The following GRM8 variants were observed in gnomAD, a reference collection of about 807,000 sequenced individuals.
GRM8 encodes the protein glutamate metabotropic receptor 8.
In GRM8, 47 loss-of-function variants were observed where a neutral mutation model predicts 87.2. The observed-to-expected ratio is 0.54, with a 90% confidence interval of 0.43 to 0.69. The LOEUF (loss-of-function observed/expected upper bound fraction) is 0.69. Among genes scored for constraint, GRM8 ranks in the 30% least tolerant of loss-of-function variants. GRM8 has a pLI of 0.00. For missense variants in GRM8, 1,019 were observed against 1,139.2 expected, an observed-to-expected ratio of 0.89 and a Z score of 1.52; for synonymous variants, 396 against 404.5, an observed-to-expected ratio of 0.98 and a Z score of 0.25.
At chr7:126,682,484 G>T (rs1376093194) in intron 7 of GRM8, among the ~76,000 whole-genome samples, 3 of 152,230 alleles carry the variant, frequency 2.0e-5, no homozygotes, top group Admixed American at 2.0e-4. Context: ...AAAGGTTACA[G>T]ATCTTGTAGA....
At chr7:127,037,956 T>C (rs979943124) in intron 3 of GRM8, among the ~76,000 whole-genome samples, 2 of 152,082 alleles carry the variant, frequency 1.3e-5, no homozygotes, top group Non-Finnish European at 2.9e-5. Context: ...AGTGAAAACA[T>C]GGTTTGACTA....
intron 3 of GRM8, among the ~76,000 whole-genome samples, chr7:127,017,839 A>C (rs922407360): frequency 2.0e-5 from 3 of 152,132 alleles, no homozygotes; most frequent in African/African-American, 7.2e-5. Context: ...AATATTAACG[A>C]AAATACTTAA....
intron 3 of GRM8, among the ~76,000 whole-genome samples, chr7:127,056,017 C>T (rs1819950067): frequency 6.6e-6 from 1 of 152,110 alleles, no homozygotes; most frequent in Admixed American, 6.5e-5. Context: ...TGCTAGCAGT[C>T]CTTACTGAAT....
rs1267266776 is a variant in GRM8, at chr7:126,542,337, A to G, written c.1495-8450T>C. On this transcript the variant is annotated intron_variant, in intron 8 of 10. Coordinates refer to ENST00000339582, the MANE Select transcript of GRM8 (RefSeq NM_000845.3). Reference sequence around the variant, plus strand: ...AGGGACTGTACATACAGAAAGGAATAAAACAGTTTCTTCTTTCATAGAATC... The same window carrying G: ...AGGGACTGTACATACAGAAAGGAATGAAACAGTTTCTTCTTTCATAGAATC... Among the ~76,000 whole-genome samples, 4 of 152,356 alleles carry G rather than the reference A, an allele frequency of 2.6e-5. No individual in the cohort carries two copies. In the East Asian group the frequency reaches 5.8e-4, roughly 22 times the overall value.
chr7:126,722,099 A>T (rs1412081771), intron 7 of GRM8, among the ~76,000 whole-genome samples: 1 of 152,112 alleles, frequency 6.6e-6, no homozygotes, highest in Non-Finnish European at 1.5e-5. Context: ...ATCTGCACGG[A>T]CACTCTATTC....
intron 7 of GRM8, among the ~76,000 whole-genome samples, chr7:126,745,292 A>G (rs1815515521): frequency 6.6e-6 from 1 of 151,660 alleles, no homozygotes; most frequent in African/African-American, 2.4e-5. Context: ...AACATTTTTC[A>G]GTCCTTGCTA....
At chr7:126,471,071 T>C (rs1805144302) in intron 9 of GRM8, among the ~76,000 whole-genome samples, 2 of 152,170 alleles carry the variant, frequency 1.3e-5, no homozygotes, top group South Asian at 2.1e-4. Context: ...TTTGAGTTCA[T>C]TGTAGATTCT....
chr7:126,550,348 A>T (rs191258153), intron 8 of GRM8, among the ~76,000 whole-genome samples: 2 of 152,084 alleles, frequency 1.3e-5, no homozygotes, highest in East Asian at 3.9e-4. Context: ...TCTTGACCTC[A>T]TGATCCACCC....
chr7:127,098,336 G>A (rs2132991456), intron 3 of GRM8, among the ~76,000 whole-genome samples: 1 of 152,194 alleles, frequency 6.6e-6, no homozygotes, highest in African/African-American at 2.4e-5. Flanking sequence ...CCAAAGCAAT[G>A]AACATCTGAG....
At chr7:126,578,350 A>G (rs572563986) in intron 8 of GRM8, among the ~76,000 whole-genome samples, 1 of 152,292 alleles carries the variant, frequency 6.6e-6, no homozygotes, top group South Asian at 2.1e-4. Context: ...TAAAGATCGA[A>G]TGGAAATAAC....
intron 8 of GRM8, among the ~76,000 whole-genome samples, chr7:126,573,676 C>T (rs1254084325): frequency 1.3e-5 from 2 of 151,956 alleles, no homozygotes; most frequent in Non-Finnish European, 2.9e-5. Context: ...CGTCCGCCTC[C>T]CGGGTTCAAG....
intron 3 of GRM8, among the ~76,000 whole-genome samples, chr7:126,944,855 A>C (rs1038033322): frequency 1.3e-5 from 2 of 152,250 alleles, no homozygotes; most frequent in African/African-American, 4.8e-5. Flanking sequence ...AATGATTCTA[A>C]AATCTAGTAA....
chr7:126,871,764 T>G (rs1799117561), intron 6 of GRM8, among the ~76,000 whole-genome samples: 1 of 152,178 alleles, frequency 6.6e-6, no homozygotes, highest in South Asian at 2.1e-4. Flanking sequence ...CATTTTGCGT[T>G]ATATGGTAAA....
At chr7:126,964,437 T>A (rs1809635438) in intron 3 of GRM8, among the ~76,000 whole-genome samples, 1 of 152,106 alleles carries the variant, frequency 6.6e-6, no homozygotes, top group African/African-American at 2.4e-5. Flanking sequence ...ATATCCAGAA[T>A]CTACAAAGAA....
chr7:126,917,079 G>A (rs1185573624), intron 3 of GRM8, among the ~76,000 whole-genome samples: 1 of 152,198 alleles, frequency 6.6e-6, no homozygotes, highest in Non-Finnish European at 1.5e-5. Flanking sequence ...GGGCTCCAGG[G>A]ATGATCCTAT....
rs191577834 is a variant in GRM8, at chr7:126,956,899, G to A, written c.728-52216C>T. 1.6e-3 allele frequency among the ~76,000 whole-genome samples: 251 copies of A among 152,178 alleles called. 1 individual carries two copies. The highest frequency in any genetic ancestry group is 5.4e-3 in the African/African-American group (225 of 41,510). Reference sequence around the variant, plus strand: ...GGAACATTTCACTCAATACAGAGCCGACTATTACCATGAATTAGTTATAAA... The same window carrying A: ...GGAACATTTCACTCAATACAGAGCCAACTATTACCATGAATTAGTTATAAA... On this transcript the variant is annotated intron_variant, in intron 3 of 10. Transcript: ENST00000339582.
chr7:126,759,644 C>T (rs1197188336), intron 7 of GRM8, among the ~76,000 whole-genome samples: 1 of 152,130 alleles, frequency 6.6e-6, no homozygotes, highest in East Asian at 1.9e-4. Flanking sequence ...TTTCACCTCC[C>T]AAACTAATCC....
intron 6 of GRM8, among the ~76,000 whole-genome samples, chr7:126,900,942 A>G (rs1288348223): frequency 6.6e-6 from 1 of 152,038 alleles, no homozygotes; most frequent in Non-Finnish European, 1.5e-5. Flanking sequence ...TCTTGAACCG[A>G]GTGTCTGAGC....
intron 6 of GRM8, among the ~76,000 whole-genome samples, chr7:126,846,652 T>C (rs1284036271): frequency 6.6e-6 from 1 of 151,952 alleles, no homozygotes; most frequent in Non-Finnish European, 1.5e-5. Flanking sequence ...ATTAATACCA[T>C]GACATTTGAC....
Sources: gnomAD v4.1 joint callset for allele counts (sites outside exome capture counted in the v4.1 genomes callset) on GRCh38, gnomAD v4.1.1 for gene constraint, MANE v1.5 for transcripts, NCBI Gene and HGNC (gene_info 2026-07-23, HGNC 2026-07-21) for gene names.